ZNF469: variants seen among roughly 807,000 people sequenced by gnomAD.
ZNF469 encodes zinc finger protein 469.
ZNF469 carries 1 observed loss-of-function variant against 1.0 expected under a neutral mutation model. The observed-to-expected ratio is 1.00, with a 90% CI of 0.35 to 4.73. ZNF469 has a LOEUF of 4.73. Among genes scored for constraint, ZNF469 ranks in the 30% most tolerant of loss-of-function variants. The pLI is 0.16. For missense variants in ZNF469, 6,100 were observed against 5,356.3 expected (o/e 1.14, Z -4.33); for synonymous variants, 2,703 against 2,363.4 (o/e 1.14, Z -4.17).
the ZNF469 span, among the ~76,000 whole-genome samples, chr16:88,129,940 C>G: frequency 1.3e-5 from 2 of 152,226 alleles, no homozygotes; most frequent in Non-Finnish European, 2.9e-5. Context: ...ATGCTTTGGT[C>G]TTTGGTTTGG....
At chr16:88,272,688 G>C in the ZNF469 span, among the ~76,000 whole-genome samples, 1 of 150,766 alleles carries the variant, frequency 6.6e-6, no homozygotes, top group Admixed American at 6.6e-5. Flanking sequence ...ATGGATAGAC[G>C]AGTGGACGGA....
chr16:88,210,785 G>T, the ZNF469 span, among the ~76,000 whole-genome samples: 1 of 152,320 alleles, frequency 6.6e-6, no homozygotes, highest in Non-Finnish European at 1.5e-5. Flanking sequence ...CTGTTTTGTT[G>T]TGTATCGGTC....
At chr16:88,130,906 C>T in the ZNF469 span, among the ~76,000 whole-genome samples, 5,028 of 151,810 alleles carry the variant, frequency 0.033, no homozygotes, top group African/African-American at 0.11. Flanking sequence ...GTGAAGTGGC[C>T]GCGGGGTGTC....
chr16:88,326,484 G>A, the ZNF469 span, among the ~76,000 whole-genome samples: 1 of 152,194 alleles, frequency 6.6e-6, no homozygotes, highest in East Asian at 1.9e-4. Flanking sequence ...ACACTCTCCA[G>A]GGACTGCAGC....
At chr16:88,378,895 T>C (rs1177172666), upstream of ZNF469, among the ~76,000 whole-genome samples, 1 of 152,008 alleles carries the variant, frequency 6.6e-6, no homozygotes, top group Admixed American at 6.5e-5. Flanking sequence ...CGCTCGGAGG[T>C]CTCCTCTCTC....
chr16:88,109,301 C>G, the ZNF469 span, among the ~76,000 whole-genome samples: 2 of 152,224 alleles, frequency 1.3e-5, no homozygotes, highest in African/African-American at 4.8e-5. Context: ...CACATTGCAG[C>G]CCAGTGGCTC....
chr16:88,270,948 G>C, the ZNF469 span, among the ~76,000 whole-genome samples: 8 of 152,320 alleles, frequency 5.3e-5, no homozygotes, highest in Non-Finnish European at 1.0e-4. Flanking sequence ...CCCCCCTCTC[G>C]GGGCTGGCAT....
At chr16:88,324,080 A>G in the ZNF469 span, among the ~76,000 whole-genome samples, 1 of 152,196 alleles carries the variant, frequency 6.6e-6, no homozygotes, top group African/African-American at 2.4e-5. Context: ...CTGGGGTGAG[A>G]TCCGCCGCAA....
At chr16:88,290,142 G>A in the ZNF469 span, among the ~76,000 whole-genome samples, 4 of 152,222 alleles carry the variant, frequency 2.6e-5, no homozygotes, top group African/African-American at 7.2e-5. Context: ...TTAGAGTGCC[G>A]GGAGCCATGC....
chr16:88,262,579 G>A, the ZNF469 span, among the ~76,000 whole-genome samples: 3 of 152,300 alleles, frequency 2.0e-5, no homozygotes, highest in South Asian at 4.2e-4. This position sits in a 1 kb window ranked among gnomAD's most constrained non-coding sequence, Gnocchi z 4.3. Flanking sequence ...ACTTGGCCAC[G>A]GGCAGGAGCC....
chr16:88,422,232 G>A (rs977022103), intron 1 of ZNF469, among the ~76,000 whole-genome samples: 1 of 142,880 alleles, frequency 7.0e-6, no homozygotes, highest in African/African-American at 2.6e-5. Flanking sequence ...GGATAGATGG[G>A]TGGATGAATG....
chr16:88,258,413 C>T, the ZNF469 span, among the ~76,000 whole-genome samples: 3 of 103,546 alleles, frequency 2.9e-5, no homozygotes, highest in African/African-American at 1.1e-4. Context: ...GAATGGCTCA[C>T]CCCCCCACCC....
At chr16:88,336,514 C>G in the ZNF469 span, among the ~76,000 whole-genome samples, 1 of 149,730 alleles carries the variant, frequency 6.7e-6, no homozygotes, top group Non-Finnish European at 1.5e-5. Context: ...GCCAATACCG[C>G]GCATGTTCAT....
At chr16:88,342,835 G>A in the ZNF469 span, among the ~76,000 whole-genome samples, 27,889 of 152,252 alleles carry the variant, frequency 0.18, 2,851 homozygotes, top group Non-Finnish European at 0.24. Flanking sequence ...AGCATAGGGC[G>A]ATACCCGTCA....
At chr16:88,310,186 AC>A in the ZNF469 span, among the ~76,000 whole-genome samples, 40 of 152,126 alleles carry the variant, frequency 2.6e-4, no homozygotes, top group Non-Finnish European at 5.1e-4. Flanking sequence ...TCTCTGCAGA[AC>A]CCTCAGATTA....
the ZNF469 span, among the ~76,000 whole-genome samples, chr16:88,280,133 C>T: frequency 3.8e-4 from 57 of 151,070 alleles, no homozygotes; most frequent in South Asian, 0.011. Flanking sequence ...TGCTGACGCT[C>T]GGTCAGTACT....
chr16:88,414,338 G>A lies in ZNF469; in HGVS notation c.-191-10469G>A, dbSNP rs569150127. Among the ~76,000 whole-genome samples, 36 of 152,356 alleles carry A rather than the reference G, an allele frequency of 2.4e-4. 2 individuals carry two copies. In the South Asian group the frequency reaches 6.8e-3, roughly 29 times the overall value. ...AAACACCTGCTGGGCATCGGGAAAC[G>A]GGAACAAACTTTGGTGTGGGGTGGA... On this transcript the variant is annotated intron_variant, in intron 1 of 2. Transcript: ENST00000565624.
chr16:88,317,077 G>A, the ZNF469 span, among the ~76,000 whole-genome samples: 1 of 152,186 alleles, frequency 6.6e-6, no homozygotes, highest in African/African-American at 2.4e-5. Context: ...AGAGGGGCCG[G>A]CCGGCCAGAG....
At chr16:88,154,612 G>A in the ZNF469 span, among the ~76,000 whole-genome samples, 384 of 152,356 alleles carry the variant, frequency 2.5e-3, no homozygotes, top group African/African-American at 8.9e-3. Flanking sequence ...TTGCTGAGGA[G>A]GAGCTGAGGC....
Sources: gnomAD v4.1 joint callset for allele counts (sites outside exome capture counted in the v4.1 genomes callset) on GRCh38, gnomAD v4.1.1 for gene constraint, Gnocchi (gnomAD v3.1) non-coding constraint, MANE v1.5 for transcripts, NCBI Gene and HGNC (gene_info 2026-07-23, HGNC 2026-07-21) for gene names.